The following TPP2 variants were observed in gnomAD, a reference collection of about 807,000 sequenced individuals.
The protein encoded by TPP2 is tripeptidyl-peptidase 2.
TPP2 carries 34 observed loss-of-function variants against 155.9 expected under a neutral mutation model. The ratio of observed to expected loss-of-function variants is 0.22; its 90% CI spans 0.17 to 0.29. The LOEUF (loss-of-function observed/expected upper bound fraction) is 0.29, where lower values mean the gene tolerates loss of function less well. Ranked by LOEUF, TPP2 falls within the 10% of genes least tolerant of loss-of-function variation. The pLI, the probability that TPP2 is intolerant of heterozygous loss-of-function variation, is 1.00. For synonymous variants in TPP2, 510 were observed against 529.4 expected, an observed-to-expected ratio of 0.96 and a Z score of 0.50; for missense variants, 1,028 against 1,522.3, an observed-to-expected ratio of 0.68 and a Z score of 5.40.
At chr13:102,635,566 G>A in intron 11 of TPP2, 21 bp from the exon 12 acceptor site, 1 of 1,589,864 alleles carries the variant, frequency 6.3e-7, no homozygotes. Flanking sequence ...TACACTACTT[G>A]TTTTTGTTTC....
At chr13:102,620,833 A>G (rs968835514) in intron 5 of TPP2, among the ~76,000 whole-genome samples, 3 of 152,210 alleles carry the variant, frequency 2.0e-5, no homozygotes, top group African/African-American at 7.2e-5. Context: ...AGAAGCTATT[A>G]GTTGATTTCT....
Position 102,630,510 on chromosome 13 carries a change from T to C in TPP2, c.1244+315T>C, listed in dbSNP as rs556941823. On this transcript the variant is annotated intron_variant, in intron 10 of 29. Coordinates refer to ENST00000376052, the MANE Select transcript of TPP2 (RefSeq NM_001330588.2). ...TTTATATAGTAGTGATGGCCTTGTT[T>C]TAAATAGTTTTTGATATTTGAACTT... Among the ~76,000 whole-genome samples, 3 of 152,338 alleles carry C rather than the reference T, an allele frequency of 2.0e-5. No homozygotes were observed. The East Asian group carries it at 5.8e-4, about 29-fold the overall frequency.
At chr13:102,641,211 A>C (rs1882745633) in intron 16 of TPP2, among the ~76,000 whole-genome samples, 1 of 152,126 alleles carries the variant, frequency 6.6e-6, no homozygotes, top group Admixed American at 6.5e-5. Flanking sequence ...TTTCCTTCAC[A>C]AGTTGTGTGT....
At chr13:102,613,189 G>T (rs538344288) in intron 2 of TPP2, among the ~76,000 whole-genome samples, 1 of 152,268 alleles carries the variant, frequency 6.6e-6, no homozygotes, top group East Asian at 1.9e-4. Context: ...GCCTTCAAAA[G>T]GTCACTATTT....
In TPP2 at chr13:102,649,269, G is replaced by GT. The variant is rs3215841; in HGVS notation, c.2873+119dup. Reference sequence around the variant, plus strand: ...TGTAGTCATTTTTTTTTTGGCTGAAGTATTTCTTCCTTTGATTTTTGAAGT... The same window carrying GT: ...TGTAGTCATTTTTTTTTTGGCTGAAGTTATTTCTTCCTTTGATTTTTGAAGT... On this transcript the variant is annotated intron_variant, in intron 22 of 29. Coordinates refer to ENST00000376052, the MANE Select transcript of TPP2 (RefSeq NM_001330588.2). 0.47 allele frequency: 692,929 copies of GT among 1,460,108 alleles called. 167,081 individuals carry two copies. Among genetic ancestry groups the GT allele is most frequent in the African/African-American group, 0.6 (42,162 of 70,210 alleles). The allele number at this position is 1,460,108 out of a possible 1,614,324, so 90.4% of individuals were successfully genotyped here.
intron 2 of TPP2, among the ~76,000 whole-genome samples, chr13:102,606,310 G>A (rs946918460): frequency 6.6e-6 from 1 of 152,200 alleles, no homozygotes; most frequent in Non-Finnish European, 1.5e-5. Context: ...GTGTAATAAA[G>A]CACCACAGAC....
chr13:102,649,233 A>T, intron 22 of TPP2, 82 bp downstream of exon 22: 1 of 1,511,230 alleles, frequency 6.6e-7, no homozygotes, highest in Non-Finnish European at 8.8e-7. Flanking sequence ...ATCTAGGCTA[A>T]ATTTAGAGGA....
intron 10 of TPP2, among the ~76,000 whole-genome samples, chr13:102,633,569 T>C (rs1276313007): frequency 6.6e-6 from 1 of 152,194 alleles, no homozygotes; most frequent in Non-Finnish European, 1.5e-5. Flanking sequence ...TACAGTGCTA[T>C]ATTAGACCTT....
chr13:102,625,961 G>T (rs890909707), intron 6 of TPP2, among the ~76,000 whole-genome samples: 1 of 152,104 alleles, frequency 6.6e-6, no homozygotes, highest in Non-Finnish European at 1.5e-5. Context: ...TTTTGTTTTA[G>T]TATTACTTTA....
At position 102,596,992 on chromosome 13, in the gene TPP2, C is replaced by G. The variant is rs1316750704; in HGVS notation, c.-47C>G. On this transcript the variant is annotated 5_prime_UTR_variant, in exon 1 of 30. Transcript: ENST00000376052. ...CGGGTGTCCTCGCGCTGCTAGTCCG[C>G]GCGCAGCCTGGCAGTTTGCCGCTTC... 3 of 1,596,942 alleles carry G rather than the reference C, an allele frequency of 1.9e-6. No individual in the cohort carries two copies. In the African/African-American group the frequency reaches 4.1e-5, roughly 22 times the overall value.
chr13:102,676,457 T>A (rs1391803991), intron 29 of TPP2, 42 bp downstream of exon 29: 23 of 1,595,342 alleles, frequency 1.4e-5, no homozygotes, highest in Non-Finnish European at 1.9e-5. Flanking sequence ...ATCACTTTGA[T>A]ATTGCATAGT....
intron 24 of TPP2, 181 bp from the exon 25 acceptor site, chr13:102,656,875 G>T: frequency 2.1e-6 from 1 of 473,022 alleles, no homozygotes. Context: ...GCATCAGTTT[G>T]TGAGAAAATT....
Position 102,674,304 on chromosome 13 carries a change from C to T in TPP2, c.3393C>T (p.Ser1131=), listed in dbSNP as rs1304890487. 6.2e-7 allele frequency: 1 copy of T among 1,613,466 alleles called. No individual in the cohort carries two copies. Among genetic ancestry groups the T allele is most frequent in the African/African-American group, 1.3e-5 (1 of 74,950 alleles). ...TIKNDMDKQK[S]TLVDALCRKG... is the part of the protein sequence containing the mutation. Reference sequence around the variant, plus strand: ...ACAGTGACATGGACAAACAAAAATCCACCCTCGTAGATGCCCTTTGTAGGA... The same window carrying T: ...ACAGTGACATGGACAAACAAAAATCTACCCTCGTAGATGCCCTTTGTAGGA... Residue 1131 remains serine (S), a synonymous_variant, in exon 28 of 30, where the codon TCC becomes TCT. Coordinates refer to ENST00000376052, the MANE Select transcript of TPP2 (RefSeq NM_001330588.2).
chr13:102,637,862 T>C (rs1232903963), intron 14 of TPP2, among the ~76,000 whole-genome samples: 1 of 152,202 alleles, frequency 6.6e-6, no homozygotes, highest in Non-Finnish European at 1.5e-5. Context: ...GTTATACCTT[T>C]TAGTACTCAG....
Position 102,649,450 on chromosome 13 carries a change from C to G in TPP2, c.2916C>G (p.Ser972=). 1 of 1,612,874 alleles carries G rather than the reference C, an allele frequency of 6.2e-7. No homozygotes were observed. Among genetic ancestry groups the G allele is most frequent in the Non-Finnish European group, 8.5e-7 (1 of 1,179,464 alleles). ...GAGPGCYLAG[S]LTLSKTELGK... ...GACCTGGATGCTATCTTGCAGGATC[C>G]TTAACATTGTCAAAGACTGAACTAG... Residue 972 remains serine (S), a synonymous_variant, in exon 23 of 30, where the codon TCC becomes TCG. Coordinates refer to ENST00000376052, the MANE Select transcript of TPP2 (RefSeq NM_001330588.2).
rs765891405 is a variant in TPP2, at chr13:102,640,367, A to G, written c.2011A>G (p.Thr671Ala). The change falls in exon 16 of 30, where the codon ACA becomes GCA. Residue 671 changes from threonine (T) to alanine (A), a missense_variant. By Grantham distance (58) the Thr-to-Ala change is moderately conservative. Around this residue, in one of 7 missense-constraint regions of TPP2, gnomAD observed 325 missense variants for 463.7 expected, o/e 0.70. Coordinates refer to ENST00000376052, the MANE Select transcript of TPP2 (RefSeq NM_001330588.2). ...TTTTATTGAGGTTCCTGAGGGTGCAACATGGGCTGGTAGGTAAAATTAAAA... is the reference window on the plus strand; with the variant it reads ...TTTTATTGAGGTTCCTGAGGGTGCAGCATGGGCTGGTAGGTAAAATTAAAA... ...RHFIEVPEGA[T>A]WAEVTVCSCS... The G allele has an allele frequency of 6.2e-7, 1 of 1,613,054 alleles. No homozygotes were observed. The highest frequency in any genetic ancestry group is 1.1e-5 in the South Asian group (1 of 91,020).
chr13:102,639,589 T>C (rs1179368168), intron 15 of TPP2, among the ~76,000 whole-genome samples: 2 of 152,162 alleles, frequency 1.3e-5, no homozygotes, highest in Non-Finnish European at 2.9e-5. Context: ...TGATGATGAT[T>C]CTCTCCATGC....
rs758633981 is a variant in TPP2 at position 102,647,396 on chromosome 13, A to G, written c.2628+52A>G. 61 of 1,571,458 alleles carry G rather than the reference A, an allele frequency of 3.9e-5. No individual in the cohort carries two copies. In the South Asian group the frequency reaches 6.9e-4, roughly 18 times the overall value. On this transcript the variant is annotated intron_variant, in intron 21 of 29. Transcript: ENST00000376052. ...ATTAACGGAAGCTGTTTCCTGAACT[A>G]ACAAAATCCTGGTTTCTTGTTATGG...
intron 25 of TPP2, among the ~76,000 whole-genome samples, chr13:102,660,167 A>G (rs979157915): frequency 1.2e-4 from 18 of 152,070 alleles, no homozygotes; most frequent in African/African-American, 4.3e-4. Context: ...TGTATATGGT[A>G]AGCCTTAGAG....
Sources: allele counts gnomAD v4.1 joint callset (sites outside exome capture counted in the v4.1 genomes callset), GRCh38; gene constraint gnomAD v4.1.1; regional missense constraint gnomAD v4.1.1; transcripts MANE v1.5; gene names NCBI Gene and HGNC (gene_info 2026-07-23, HGNC 2026-07-21).